Variants in SNTB1 observed in about 807,000 individuals in gnomAD.
SNTB1 encodes syntrophin beta 1.
In SNTB1, 36 loss-of-function variants were observed where a neutral mutation model predicts 48.9. That is an observed-to-expected ratio of 0.74 (90% confidence interval 0.56 to 0.97). The LOEUF (loss-of-function observed/expected upper bound fraction) is 0.97, where lower values mean the gene tolerates loss of function less well. SNTB1 is among the 50% of genes least tolerant of loss of function. The pLI is 0.00. For missense variants in SNTB1, 786 were observed against 703.4 expected (o/e 1.12, Z -1.33); for synonymous variants, 299 against 294.6 (o/e 1.01, Z -0.15).
chr8:120,571,520 CAG>C (rs1815851615), intron 4 of SNTB1, among the ~76,000 whole-genome samples: 1 of 110,042 alleles, frequency 9.1e-6, no homozygotes, highest in African/African-American at 3.5e-5. Flanking sequence ...TTTTTTGAGA[CAG>C]AGTCCCACTC....
Position 120,548,835 on chromosome 8 carries a change from G to A in SNTB1, c.1260C>T (p.Asp420=). 3.1e-6 allele frequency: 5 copies of A among 1,614,064 alleles called. No homozygotes were observed. In the South Asian group the frequency reaches 3.3e-5, roughly 11 times the overall value. Residue 420 remains aspartate (D), a synonymous_variant, in exon 5 of 7, where the codon GAC becomes GAT. Transcript: ENST00000517992. ...THLFRAETSR[D]LSHWTRSIVQ... ...CTATGCTCCTTGTCCAGTGGGAGAGGTCCCTGCTGGTCTCTGCTCTGAAGA... is the reference window on the plus strand; with the variant it reads ...CTATGCTCCTTGTCCAGTGGGAGAGATCCCTGCTGGTCTCTGCTCTGAAGA...
chr8:120,614,682 C>T (rs920879715), intron 3 of SNTB1, among the ~76,000 whole-genome samples: 3 of 152,106 alleles, frequency 2.0e-5, no homozygotes, highest in African/African-American at 4.8e-5. Flanking sequence ...AAGCCATTAT[C>T]GGACTCTTCA....
Position 120,536,407 on chromosome 8 carries a change from T to G in SNTB1, c.*2470A>C, listed in dbSNP as rs1407715207. 1 of 152,200 alleles carries G rather than the reference T, an allele frequency of 6.6e-6. No homozygotes were observed. Among genetic ancestry groups the G allele is most frequent in the African/African-American group, 2.4e-5 (1 of 41,450 alleles). The allele number at this position is 152,200 out of a possible 1,614,324, so 9.4% of individuals were successfully genotyped here. On this transcript the variant is annotated 3_prime_UTR_variant, in exon 7 of 7. Coordinates refer to ENST00000517992, the MANE Select transcript of SNTB1 (RefSeq NM_021021.4). ...ATTCATTGACTGTACCCAAGCATGA[T>G]CCAGACTTATGAGTTTGTGTCATAC...
chr8:120,538,698 T>C lies in SNTB1; in HGVS notation c.*179A>G. The C allele has an allele frequency of 1.5e-6, 1 of 684,284 alleles. No individual in the cohort carries two copies. Among genetic ancestry groups the C allele is most frequent in the Non-Finnish European group, 2.7e-6 (1 of 369,010 alleles). 42.4% of individuals were successfully genotyped at this position (684,284 alleles called of 1,614,324 possible). A position where few individuals can be genotyped will look rare whatever the true frequency, so the allele number is the denominator to read the frequency against. On this transcript the variant is annotated 3_prime_UTR_variant, in exon 7 of 7. Transcript: ENST00000517992. ...TTTCTCATGGTACTTTCGCAGGGTA[T>C]CCCTTGTAGTTGCTGAAACTGACAG...
intron 1 of SNTB1, among the ~76,000 whole-genome samples, chr8:120,796,822 C>T (rs1039870920): frequency 2.0e-5 from 3 of 152,018 alleles, no homozygotes; most frequent in East Asian, 1.9e-4. Context: ...TGAACACTCA[C>T]GTGGCAAAGC....
chr8:120,788,989 G>C (rs1242932872), intron 1 of SNTB1, among the ~76,000 whole-genome samples: 1 of 151,942 alleles, frequency 6.6e-6, no homozygotes, highest in Non-Finnish European at 1.5e-5. Context: ...CTATATGATA[G>C]GCCACAAAAC....
chr8:120,581,617 A>G (rs1189325764), intron 3 of SNTB1, among the ~76,000 whole-genome samples: 1 of 152,062 alleles, frequency 6.6e-6, no homozygotes, highest in African/African-American at 2.4e-5. Context: ...AAAAAGGAGA[A>G]GAGCAGAATG....
chr8:120,680,324 C>G (rs1238844385), intron 2 of SNTB1, among the ~76,000 whole-genome samples: 1 of 152,188 alleles, frequency 6.6e-6, no homozygotes, highest in Non-Finnish European at 1.5e-5. Flanking sequence ...GCCTCAACAT[C>G]CAGCAAAGAA....
intron 2 of SNTB1, among the ~76,000 whole-genome samples, chr8:120,668,912 C>T (rs966581535): frequency 2.6e-5 from 4 of 152,162 alleles, no homozygotes; most frequent in African/African-American, 9.7e-5. Context: ...ACTCTATTCC[C>T]ATAACCATAA....
chr8:120,623,031 A>G (rs1345983716), intron 3 of SNTB1, among the ~76,000 whole-genome samples: 2 of 152,182 alleles, frequency 1.3e-5, no homozygotes, highest in Non-Finnish European at 2.9e-5. Flanking sequence ...CTGTGCTGCT[A>G]TTCCTACTCC....
chr8:120,795,905 C>A (rs67932638), intron 1 of SNTB1, among the ~76,000 whole-genome samples: 17,554 of 151,930 alleles, frequency 0.12, 1,464 homozygotes, highest in African/African-American at 0.23. Flanking sequence ...CCAAATTTCC[C>A]CCTTTTTTAT....
At position 120,542,007 on chromosome 8, in the gene SNTB1, GAGAA is replaced by G. The variant is rs758836962; in HGVS notation, c.1334-11_1334-8del. The G allele has an allele frequency of 1.9e-6, 3 of 1,609,834 alleles. No individual in the cohort carries two copies. Among genetic ancestry groups the G allele is most frequent in the East Asian group, 2.2e-5 (1 of 44,788 alleles). ...TGGTTTTTGTAGGTGCAAGCTGAGA[GAGAA>G]AGAGAGAGAAAAAGAGACAAGTATG... On this transcript the variant is annotated splice_polypyrimidine_tract_variant and splice_region_variant and intron_variant, in intron 5 of 6. Coordinates refer to ENST00000517992, the MANE Select transcript of SNTB1 (RefSeq NM_021021.4).
intron 1 of SNTB1, among the ~76,000 whole-genome samples, chr8:120,803,489 C>G (rs1216742024): frequency 1.3e-5 from 2 of 152,172 alleles, no homozygotes; most frequent in African/African-American, 4.8e-5. Flanking sequence ...TTTTAGAAAA[C>G]ATTAACAGCT....
chr8:120,550,542 T>TAAAAAAAAAA (rs11445916), intron 4 of SNTB1, among the ~76,000 whole-genome samples: 1 of 126,674 alleles, frequency 7.9e-6, no homozygotes, highest in African/African-American at 2.9e-5. Context: ...ACTCTGTCTT[T>TAAAAAAAAAA]AAAAAAAAAA....
chr8:120,672,306 C>T (rs919730358), intron 2 of SNTB1, among the ~76,000 whole-genome samples: 11 of 152,104 alleles, frequency 7.2e-5, no homozygotes, highest in African/African-American at 1.4e-4. Flanking sequence ...AAAATATAAA[C>T]GAATAAATCA....
rs140033235 is a variant in SNTB1, at chr8:120,618,479, C to T, written c.996+13965G>A. ...CCAGTGCAGCAAGGAACTTGTCTGA[C>T]GTGTCACCATCATAGTCCCACTACT... On this transcript the variant is annotated intron_variant, in intron 3 of 6. Coordinates refer to ENST00000517992, the MANE Select transcript of SNTB1 (RefSeq NM_021021.4). 2.5e-3 allele frequency among the ~76,000 whole-genome samples: 374 copies of T among 152,296 alleles called. 2 individuals carry two copies. Among genetic ancestry groups the T allele is most frequent in the African/African-American group, 8.2e-3 (341 of 41,570 alleles).
intron 3 of SNTB1, among the ~76,000 whole-genome samples, chr8:120,595,679 G>A (rs1259058346): frequency 6.6e-6 from 1 of 151,908 alleles, no homozygotes; most frequent in Non-Finnish European, 1.5e-5. Flanking sequence ...TGCCTCATGG[G>A]TTCAAGCAAT....
At chr8:120,702,626 C>T (rs1818325483) in intron 1 of SNTB1, among the ~76,000 whole-genome samples, 1 of 151,850 alleles carries the variant, frequency 6.6e-6, no homozygotes, top group Middle Eastern at 3.4e-3. Context: ...GGACCATAAA[C>T]ATCGTGATGA....
intron 4 of SNTB1, among the ~76,000 whole-genome samples, chr8:120,563,128 G>A (rs1004239050): frequency 6.6e-6 from 1 of 151,990 alleles, no homozygotes; most frequent in African/African-American, 2.4e-5. Context: ...CTCCCCACCA[G>A]CCACTGGGAC....
Sources: allele counts gnomAD v4.1 joint callset (sites outside exome capture counted in the v4.1 genomes callset), GRCh38; gene constraint gnomAD v4.1.1; transcripts MANE v1.5; gene names NCBI Gene and HGNC (gene_info 2026-07-23, HGNC 2026-07-21).